The following ITPK1 variants were observed in gnomAD, a reference collection of about 807,000 sequenced individuals.
The protein encoded by ITPK1 is inositol-tetrakisphosphate 1-kinase, also known as inositol 1,3,4-trisphosphate 5/6-kinase.
A neutral mutation model predicts 45.3 loss-of-function variants in ITPK1; 21 were observed. The observed-to-expected ratio is 0.46, with a 90% CI of 0.33 to 0.67. The LOEUF is 0.67. Ranked by LOEUF, ITPK1 falls within the 30% of genes least tolerant of loss-of-function variation. The probability of loss-of-function intolerance (pLI) is 0.02; values close to 1 mark genes in which losing one functional copy is unlikely to be tolerated. For missense variants in ITPK1, 474 were observed against 573.5 expected (o/e 0.83, Z 1.77); for synonymous variants, 258 against 253.6 (o/e 1.02, Z -0.16).
In ITPK1 at chr14:92,940,343, A is replaced by T; in HGVS notation, c.*1218T>A. On this transcript the variant is annotated 3_prime_UTR_variant, in exon 11 of 11. Transcript: ENST00000267615. Reference sequence around the variant, plus strand: ...CCAGGACTGCAGAGGCTTCTCCCCAACCCTTTTCTCTGCAGAGGGGGCTGC... The same window carrying T: ...CCAGGACTGCAGAGGCTTCTCCCCATCCCTTTTCTCTGCAGAGGGGGCTGC... 1.0e-6 allele frequency: 1 copy of T among 1,003,034 alleles called. No individual in the cohort carries two copies. The highest frequency in any genetic ancestry group is 1.2e-6 in the Non-Finnish European group (1 of 840,238). The allele number at this position is 1,003,034 out of a possible 1,614,324, so 62.1% of individuals were successfully genotyped here.
rs3783920 is a variant in ITPK1 at position 92,957,349 on chromosome 14, C to T, written c.670+852G>A. 1.8e-4 allele frequency among the ~76,000 whole-genome samples: 27 copies of T among 152,390 alleles called. No individual in the cohort carries two copies. The East Asian group carries it at 4.4e-3, about 25-fold the overall frequency. On this transcript the variant is annotated intron_variant, in intron 8 of 10. Coordinates refer to ENST00000267615, the MANE Select transcript of ITPK1 (RefSeq NM_014216.6). ...AAAGCTACTTATCCCAAGACACTGCCACTGTTCCAAAGGTTTCCAGAACGT... is the reference window on the plus strand; with the variant it reads ...AAAGCTACTTATCCCAAGACACTGCTACTGTTCCAAAGGTTTCCAGAACGT...
chr14:93,035,897 A>T (rs1889295715), intron 3 of ITPK1, among the ~76,000 whole-genome samples: 1 of 152,198 alleles, frequency 6.6e-6, no homozygotes, highest in East Asian at 1.9e-4. Context: ...AGGAGACCAG[A>T]GAGGTCCAAG....
At chr14:93,028,292 C>T (rs1016977779) in intron 3 of ITPK1, among the ~76,000 whole-genome samples, 1 of 152,210 alleles carries the variant, frequency 6.6e-6, no homozygotes, top group African/African-American at 2.4e-5. Context: ...TCTTGAGTCA[C>T]TGCTTGGAGA....
rs556874786 is a variant in ITPK1 at position 93,109,670 on chromosome 14, G to T, written c.95+5399C>A. 9.2e-4 allele frequency among the ~76,000 whole-genome samples: 140 copies of T among 152,256 alleles called. 2 individuals are homozygous for T. Among genetic ancestry groups the T allele is most frequent in the Non-Finnish European group, 1.2e-3 (84 of 68,024 alleles). On this transcript the variant is annotated intron_variant, in intron 2 of 10. Coordinates refer to ENST00000267615, the MANE Select transcript of ITPK1 (RefSeq NM_014216.6). Reference sequence around the variant, plus strand: ...GGGACAGCACCTCCACCTCCTGGGGGGCTGTAATATTCAGATGGGCCATGT... The same window carrying T: ...GGGACAGCACCTCCACCTCCTGGGGTGCTGTAATATTCAGATGGGCCATGT...
chr14:93,057,893 T>C (rs940691633), intron 3 of ITPK1, among the ~76,000 whole-genome samples: 1 of 152,178 alleles, frequency 6.6e-6, no homozygotes, highest in African/African-American at 2.4e-5. Context: ...GATTCTGGCA[T>C]CACCACATGC....
intron 5 of ITPK1, among the ~76,000 whole-genome samples, chr14:92,976,823 T>G (rs1026115824): frequency 6.6e-6 from 1 of 152,248 alleles, no homozygotes; most frequent in Non-Finnish European, 1.5e-5. Context: ...CCTTGACTGC[T>G]GGGCAAACCA....
intron 9 of ITPK1, among the ~76,000 whole-genome samples, chr14:92,948,606 G>A (rs987127409): frequency 3.9e-5 from 6 of 152,110 alleles, no homozygotes; most frequent in African/African-American, 1.4e-4. Context: ...CCAAAATGCT[G>A]GGATTACAGG....
intron 3 of ITPK1, among the ~76,000 whole-genome samples, chr14:93,025,478 T>TA: frequency 6.6e-6 from 1 of 152,384 alleles, no homozygotes; most frequent in African/African-American, 2.4e-5. Flanking sequence ...TTTAAGTTTT[T>TA]ATCATTAAAT....
At position 92,959,401 on chromosome 14, in the gene ITPK1, G is replaced by A. The variant is rs530485168; in HGVS notation, c.505-1035C>T. Among the ~76,000 whole-genome samples, 104 of 152,358 alleles carry A rather than the reference G, an allele frequency of 6.8e-4. 1 individual carries two copies. Among genetic ancestry groups the A allele is most frequent in the African/African-American group, 2.2e-3 (91 of 41,594 alleles). On this transcript the variant is annotated intron_variant, in intron 7 of 10. Transcript: ENST00000267615. ...CTTGTGTCAGCTGTCACGGAGCGCC[G>A]GCCCTACGTGCCTGGAGCTCAGCTG...
chr14:93,098,058 C>A (rs1263512045), intron 2 of ITPK1, among the ~76,000 whole-genome samples: 1 of 152,044 alleles, frequency 6.6e-6, no homozygotes, highest in African/African-American at 2.4e-5. Context: ...GTGGCTCATG[C>A]ATATAATCCC....
At chr14:92,974,542 G>A (rs554523066) in intron 5 of ITPK1, among the ~76,000 whole-genome samples, 3 of 152,280 alleles carry the variant, frequency 2.0e-5, no homozygotes, top group East Asian at 1.9e-4. Flanking sequence ...CATGTGCAGC[G>A]ATGCATACAT....
intron 4 of ITPK1, among the ~76,000 whole-genome samples, chr14:92,998,419 G>A (rs1486594320): frequency 9.9e-5 from 15 of 152,174 alleles, no homozygotes; most frequent in East Asian, 1.9e-4. Context: ...CAACCCCACC[G>A]GCAGCCCAGG....
intron 4 of ITPK1, among the ~76,000 whole-genome samples, chr14:93,005,198 G>T (rs1260397604): frequency 6.6e-6 from 1 of 152,132 alleles, no homozygotes; most frequent in Non-Finnish European, 1.5e-5. Context: ...AGGGGTATGT[G>T]TGCTGGACCT....
Position 93,076,480 on chromosome 14 carries a change from C to T in ITPK1, c.120+115G>A, listed in dbSNP as rs913560227. The T allele has an allele frequency of 5.0e-6, 6 of 1,208,622 alleles. No homozygotes were observed. In the African/African-American group the frequency reaches 9.1e-5, roughly 18 times the overall value. 74.9% of individuals were successfully genotyped at this position (1,208,622 alleles called of 1,614,324 possible). A position where few individuals can be genotyped will look rare whatever the true frequency, so the allele number is the denominator to read the frequency against. On this transcript the variant is annotated intron_variant, in intron 3 of 10. Transcript: ENST00000267615. The surrounding 1 kb of genome is among the most constrained non-coding windows in gnomAD (Gnocchi z 4.3). ...CCACAGGGGAGCTAAAAACAAGCTG[C>T]ACGTGAAGAAGAGAGAAAGCCGTGC...
chr14:93,055,905 G>C (rs1890198269), intron 3 of ITPK1, among the ~76,000 whole-genome samples: 2 of 152,208 alleles, frequency 1.3e-5, no homozygotes, highest in Admixed American at 6.5e-5. Context: ...TGGGGTCTGA[G>C]CACCCAGCAG....
intron 8 of ITPK1, among the ~76,000 whole-genome samples, chr14:92,957,577 T>A (rs1436529835): frequency 2.6e-5 from 4 of 152,158 alleles, no homozygotes; most frequent in African/African-American, 9.7e-5. Context: ...GACAACAGCA[T>A]CATGCAGAGA....
At chr14:93,006,692 G>C (rs1887632432) in intron 4 of ITPK1, among the ~76,000 whole-genome samples, 1 of 152,220 alleles carries the variant, frequency 6.6e-6, no homozygotes, top group Non-Finnish European at 1.5e-5. Flanking sequence ...TCTCTGGGGG[G>C]GAAACTGTTG....
rs761997150 is a variant in ITPK1, at chr14:93,014,853, C to G, written c.246+1823G>C. ...CAGGGCTTGGTAAGCGGTAACTGCT[C>G]TGCAGTGCTTTCTGAGGTAACGGTA... On this transcript the variant is annotated intron_variant, in intron 4 of 10. Coordinates refer to ENST00000267615, the MANE Select transcript of ITPK1 (RefSeq NM_014216.6). This position sits in a 1 kb window ranked among gnomAD's most constrained non-coding sequence, Gnocchi z 4.4. 6.6e-6 allele frequency among the ~76,000 whole-genome samples: 1 copy of G among 152,252 alleles called. No homozygotes were observed. Among genetic ancestry groups the G allele is most frequent in the Non-Finnish European group, 1.5e-5 (1 of 68,046 alleles).
chr14:93,049,428 G>A (rs1889914219), intron 3 of ITPK1, among the ~76,000 whole-genome samples: 1 of 152,222 alleles, frequency 6.6e-6, no homozygotes, highest in Admixed American at 6.5e-5. Flanking sequence ...ACCAGCAAGT[G>A]CAGAGGCAGG....
Sources: allele counts gnomAD v4.1 joint callset (sites outside exome capture counted in the v4.1 genomes callset), GRCh38; gene constraint gnomAD v4.1.1; non-coding constraint Gnocchi (gnomAD v3.1); transcripts MANE v1.5; gene names NCBI Gene and HGNC (gene_info 2026-07-23, HGNC 2026-07-21).